MEIS1: variants seen among roughly 807,000 people sequenced by gnomAD.
The protein encoded by MEIS1 is Meis homeobox 1.
In MEIS1, 5 loss-of-function variants were observed where a neutral mutation model predicts 50.8. The observed-to-expected ratio is 0.10, with a 90% confidence interval of 0.05 to 0.21. The LOEUF (loss-of-function observed/expected upper bound fraction) is 0.21. Among genes scored for constraint, MEIS1 ranks in the 10% least tolerant of loss-of-function variants. The probability of loss-of-function intolerance (pLI) is 1.00; values close to 1 mark genes in which losing one functional copy is unlikely to be tolerated. For synonymous variants in MEIS1, 176 were observed against 179.3 expected (o/e 0.98, Z 0.15); for missense variants, 318 against 517.3 (o/e 0.61, Z 3.74).
At chr2:66,546,989 C>A (rs1349637906) in intron 8 of MEIS1, among the ~76,000 whole-genome samples, 1 of 152,086 alleles carries the variant, frequency 6.6e-6, no homozygotes, top group Non-Finnish European at 1.5e-5. Context: ...CTTTTCCATT[C>A]ATAATAGAAT....
At chr2:66,552,679 A>T (rs1043125402) in intron 9 of MEIS1, among the ~76,000 whole-genome samples, 4 of 152,234 alleles carry the variant, frequency 2.6e-5, no homozygotes, top group African/African-American at 9.6e-5. Flanking sequence ...GGCAAGTAAA[A>T]ATGTAAACTT....
rs1674576153 is a variant in MEIS1, at chr2:66,538,656, A to G, written c.889-9287A>G. On this transcript the variant is annotated intron_variant, in intron 8 of 12. Transcript: ENST00000272369. ...TGGTAGCTGCATCATCACTGGGAAT[A>G]GCATTCATATGTTTTTATTAGTAGT... Among the ~76,000 whole-genome samples the G allele has an allele frequency of 2.0e-5, 3 of 152,212 alleles. No homozygotes were observed. The South Asian group carries it at 6.2e-4, about 31-fold the overall frequency.
intron 8 of MEIS1, among the ~76,000 whole-genome samples, chr2:66,530,414 T>C (rs1443006990): frequency 1.3e-5 from 2 of 152,170 alleles, no homozygotes; most frequent in Admixed American, 1.3e-4. Context: ...TTTCTATTCC[T>C]TAAAAATTAG....
At chr2:66,480,137 G>A (rs917075657) in intron 7 of MEIS1, among the ~76,000 whole-genome samples, 1 of 152,108 alleles carries the variant, frequency 6.6e-6, no homozygotes, top group African/African-American at 2.4e-5. Flanking sequence ...ATAGAAATAA[G>A]GGTCTATATA....
In MEIS1 at chr2:66,478,170, G is replaced by A. The variant is rs1387304141; in HGVS notation, c.742+13950G>A. ...TTTTTAGAAGAATTAGCTTTACTTT[G>A]TTTCCATTTTTCCTGATGCTCTTGA... On this transcript the variant is annotated intron_variant, in intron 7 of 12. Transcript: ENST00000272369. Among the ~76,000 whole-genome samples the A allele has an allele frequency of 2.6e-5, 4 of 152,046 alleles. No individual in the cohort carries two copies. In the East Asian group the frequency reaches 7.7e-4, roughly 29 times the overall value.
chr2:66,542,630 TC>T, intron 8 of MEIS1, among the ~76,000 whole-genome samples: 1 of 152,194 alleles, frequency 6.6e-6, no homozygotes, highest in South Asian at 2.1e-4. Context: ...TAGAGGCAGT[TC>T]TGTGTCACAA....
intron 1 of MEIS1, chr2:66,437,082 C>A: frequency 2.2e-6 from 1 of 448,286 alleles, no homozygotes; most frequent in Non-Finnish European, 2.9e-6. Flanking sequence ...CTAAATTCAG[C>A]TCTGATGTTC....
chr2:66,476,879 A>G (rs1232000754), intron 7 of MEIS1, among the ~76,000 whole-genome samples: 1 of 152,084 alleles, frequency 6.6e-6, no homozygotes, highest in East Asian at 1.9e-4. Flanking sequence ...CTTGGGAGAG[A>G]TGGAGAAGAG....
intron 9 of MEIS1, among the ~76,000 whole-genome samples, chr2:66,551,531 G>A (rs1572898256): frequency 6.6e-6 from 1 of 152,116 alleles, no homozygotes; most frequent in East Asian, 1.9e-4. Context: ...GATGGAATGT[G>A]AAATTTATTA....
chr2:66,556,117 C>G (rs976712952), intron 9 of MEIS1, among the ~76,000 whole-genome samples: 1 of 152,118 alleles, frequency 6.6e-6, no homozygotes, highest in Non-Finnish European at 1.5e-5. Context: ...TAAGGCTGTC[C>G]TGTTCAATGC....
intron 6 of MEIS1, among the ~76,000 whole-genome samples, chr2:66,458,058 A>T (rs1672434685): frequency 6.6e-6 from 1 of 152,188 alleles, no homozygotes; most frequent in Admixed American, 6.5e-5. Flanking sequence ...ATCAGTTTCT[A>T]CGTAGCTGCT....
intron 7 of MEIS1, among the ~76,000 whole-genome samples, chr2:66,504,358 C>T (rs1327138625): frequency 1.3e-5 from 2 of 152,098 alleles, no homozygotes; most frequent in African/African-American, 4.8e-5. Flanking sequence ...CTCAGCCTCC[C>T]GAGTAGCTGG....
intron 9 of MEIS1, among the ~76,000 whole-genome samples, chr2:66,549,631 G>C (rs1674871205): frequency 6.6e-6 from 1 of 152,094 alleles, no homozygotes; most frequent in African/African-American, 2.4e-5. Context: ...CTGATGTTGA[G>C]ACAGTTTTAA....
At chr2:66,451,287 A>G (rs1187633706) in intron 6 of MEIS1, among the ~76,000 whole-genome samples, 1 of 152,120 alleles carries the variant, frequency 6.6e-6, no homozygotes, top group Non-Finnish European at 1.5e-5. Flanking sequence ...ACTTGGTCCC[A>G]GACCTCCATA....
chr2:66,449,455 A>T (rs1462080793), intron 6 of MEIS1, among the ~76,000 whole-genome samples: 1 of 152,086 alleles, frequency 6.6e-6, no homozygotes, highest in Non-Finnish European at 1.5e-5. Context: ...ATGTAGTGTA[A>T]AAGATAAAAG....
intron 9 of MEIS1, among the ~76,000 whole-genome samples, chr2:66,554,441 T>TC (rs1413133499): frequency 6.6e-6 from 1 of 152,128 alleles, no homozygotes; most frequent in Non-Finnish European, 1.5e-5. Flanking sequence ...CTGAGAGGTG[T>TC]CACGGTCAAG....
chr2:66,460,710 G>C (rs1672497098), intron 6 of MEIS1, among the ~76,000 whole-genome samples: 1 of 152,076 alleles, frequency 6.6e-6, no homozygotes, highest in Admixed American at 6.6e-5. Flanking sequence ...GGTCTTTCCA[G>C]CAAAAGATTT....
At chr2:66,446,912 T>C (rs1672165816) in intron 6 of MEIS1, among the ~76,000 whole-genome samples, 1 of 152,244 alleles carries the variant, frequency 6.6e-6, no homozygotes, top group African/African-American at 2.4e-5. Flanking sequence ...GATTGTTTTA[T>C]TTCAAAAGTT....
intron 7 of MEIS1, among the ~76,000 whole-genome samples, chr2:66,503,671 G>GCTT (rs60211764): frequency 0.64 from 95,928 of 151,022 alleles, 31,543 homozygotes; most frequent in East Asian, 0.8. Context: ...ACATCAATAG[G>GCTT]TTGTTAAATG....
Sources: allele counts gnomAD v4.1 joint callset (sites outside exome capture counted in the v4.1 genomes callset), GRCh38; gene constraint gnomAD v4.1.1; transcripts MANE v1.5; gene names NCBI Gene and HGNC (gene_info 2026-07-23, HGNC 2026-07-21).